RNLS: variants seen among roughly 807,000 people sequenced by gnomAD.
RNLS encodes renalase, FAD dependent amine oxidase.
In RNLS, 39 loss-of-function variants were observed where a neutral mutation model predicts 39.8. The ratio of observed to expected loss-of-function variants is 0.98; its 90% CI spans 0.76 to 1.28. The LOEUF is 1.28. Among genes scored for constraint, RNLS ranks in the 50% most tolerant of loss-of-function variants. The pLI, the probability that RNLS is intolerant of heterozygous loss-of-function variation, is 0.00. For missense variants in RNLS, 410 were observed against 413.3 expected, an observed-to-expected ratio of 0.99 and a Z score of 0.07; for synonymous variants, 147 against 150.7, an observed-to-expected ratio of 0.98 and a Z score of 0.18.
the RNLS span, among the ~76,000 whole-genome samples, chr10:88,253,754 G>A: frequency 6.6e-6 from 1 of 152,292 alleles, no homozygotes; most frequent in South Asian, 2.1e-4. Context: ...TGTGAAGAAC[G>A]AGAAGCTTGG....
intron 4 of RNLS, among the ~76,000 whole-genome samples, chr10:88,543,455 C>T (rs1304227610): frequency 1.3e-5 from 2 of 152,278 alleles, no homozygotes; most frequent in African/African-American, 4.8e-5. Context: ...TTCTTAACTG[C>T]TACTTTATAT....
At chr10:88,470,431 C>T (rs1843453462) in intron 4 of RNLS, among the ~76,000 whole-genome samples, 1 of 152,078 alleles carries the variant, frequency 6.6e-6, no homozygotes, top group Non-Finnish European at 1.5e-5. Flanking sequence ...ATATACCCTG[C>T]ATGAGGGCAG....
intron 4 of RNLS, among the ~76,000 whole-genome samples, chr10:88,456,403 AT>A (rs1443309077): frequency 6.6e-6 from 1 of 151,928 alleles, no homozygotes; most frequent in Non-Finnish European, 1.5e-5. Context: ...TAGAGGGTAT[AT>A]TGTATAGAAG....
chr10:88,573,718 ATTTC>A (rs1242794447), intron 3 of RNLS, among the ~76,000 whole-genome samples: 1 of 152,176 alleles, frequency 6.6e-6, no homozygotes, highest in East Asian at 1.9e-4. Context: ...TTTAATAATT[ATTTC>A]TTTAATATTG....
chr10:88,326,968 A>G (rs1471564614), intron 5 of RNLS, among the ~76,000 whole-genome samples: 1 of 152,110 alleles, frequency 6.6e-6, no homozygotes, highest in Non-Finnish European at 1.5e-5. Context: ...TGGGTTTTAG[A>G]CTTGCATGGG....
downstream of RNLS, among the ~76,000 whole-genome samples, chr10:88,271,203 C>T (rs368939720): frequency 2.6e-5 from 4 of 152,286 alleles, no homozygotes; most frequent in Admixed American, 1.3e-4. Context: ...TCTAATGCTG[C>T]GAAAATGTCA....
chr10:88,470,175 T>C (rs1400679572), intron 4 of RNLS, among the ~76,000 whole-genome samples: 1 of 152,090 alleles, frequency 6.6e-6, no homozygotes, highest in Non-Finnish European at 1.5e-5. Flanking sequence ...TGTTTTTTTT[T>C]AAGCTTTTAT....
At chr10:88,359,306 A>C (rs1372614625) in intron 5 of RNLS, among the ~76,000 whole-genome samples, 2 of 92,818 alleles carry the variant, frequency 2.2e-5, no homozygotes, top group East Asian at 4.9e-4. Context: ...ACAGAGCGAA[A>C]CTACATTAAA....
At chr10:88,499,582 C>T (rs1222279863) in intron 4 of RNLS, among the ~76,000 whole-genome samples, 1 of 151,820 alleles carries the variant, frequency 6.6e-6, no homozygotes, top group Non-Finnish European at 1.5e-5. Context: ...ATGCATTCTC[C>T]CCCTCTCACC....
chr10:88,216,715 A>G, the RNLS span, among the ~76,000 whole-genome samples: 1 of 152,246 alleles, frequency 6.6e-6, no homozygotes, highest in Admixed American at 6.5e-5. Context: ...TGTGGAGAAA[A>G]AATGATTTTC....
the RNLS span, among the ~76,000 whole-genome samples, chr10:88,183,622 T>G: frequency 6.6e-6 from 1 of 152,146 alleles, no homozygotes; most frequent in African/African-American, 2.4e-5. Flanking sequence ...TACTTCCTCC[T>G]ATCATATTTT....
chr10:88,184,497 T>C, the RNLS span, among the ~76,000 whole-genome samples: 1 of 152,162 alleles, frequency 6.6e-6, no homozygotes, highest in Non-Finnish European at 1.5e-5. Context: ...GAGACAGAGA[T>C]AGGTCCTTTT....
the RNLS span, among the ~76,000 whole-genome samples, chr10:88,224,054 G>T: frequency 2.0e-5 from 3 of 150,040 alleles, no homozygotes; most frequent in African/African-American, 4.9e-5. Flanking sequence ...AAAAAAAAAG[G>T]TAAGGAGAGA....
chr10:88,442,739 T>C (rs1270638870), intron 4 of RNLS, among the ~76,000 whole-genome samples: 2 of 152,162 alleles, frequency 1.3e-5, no homozygotes, highest in African/African-American at 4.8e-5. Context: ...CCCTCTGCCT[T>C]TGACTTCTCC....
chr10:88,196,271 A>G, the RNLS span, among the ~76,000 whole-genome samples: 1 of 152,242 alleles, frequency 6.6e-6, no homozygotes, highest in African/African-American at 2.4e-5. Context: ...TGTTAGAGAA[A>G]TGAGATGTGG....
chr10:88,373,141 C>T lies in RNLS; in HGVS notation c.527-10416G>A, dbSNP rs529378646. Among the ~76,000 whole-genome samples the T allele has an allele frequency of 9.2e-5, 14 of 152,166 alleles. No homozygotes were observed. The East Asian group carries it at 1.2e-3, about 13-fold the overall frequency. ...ACAATAAAAACTTTATTACATGTCA[C>T]CTCATATTTTTATACAGATACATAT... On this transcript the variant is annotated intron_variant, in intron 4 of 6. Coordinates refer to ENST00000331772, the MANE Select transcript of RNLS (RefSeq NM_001031709.3).
chr10:88,269,665 G>C (rs533463933), downstream of RNLS, among the ~76,000 whole-genome samples: 13 of 152,168 alleles, frequency 8.5e-5, no homozygotes, highest in Non-Finnish European at 1.5e-4. Context: ...GGCAACAGGG[G>C]CCTGAGAAGT....
chr10:88,440,679 C>T (rs1841663969), intron 4 of RNLS, among the ~76,000 whole-genome samples: 1 of 152,180 alleles, frequency 6.6e-6, no homozygotes, highest in African/African-American at 2.4e-5. Context: ...TACACACTTC[C>T]TTAGTCAATG....
intron 4 of RNLS, among the ~76,000 whole-genome samples, chr10:88,491,369 T>C (rs1844867054): frequency 6.6e-6 from 1 of 152,196 alleles, no homozygotes; most frequent in Non-Finnish European, 1.5e-5. Context: ...AGAGTGGACC[T>C]GGTTCATTGC....
Sources: gnomAD v4.1 joint callset for allele counts (sites outside exome capture counted in the v4.1 genomes callset) on GRCh38, gnomAD v4.1.1 for gene constraint, MANE v1.5 for transcripts, NCBI Gene and HGNC (gene_info 2026-07-23, HGNC 2026-07-21) for gene names.